The following PCDHGB5 variants were observed in gnomAD, a reference collection of about 807,000 sequenced individuals.
The protein encoded by PCDHGB5 is protocadherin gamma subfamily B, 5.
In PCDHGB5, 48 loss-of-function variants were observed where a neutral mutation model predicts 62.9. The observed-to-expected ratio is 0.76, with a 90% CI of 0.61 to 0.97. The LOEUF is 0.97. PCDHGB5 is among the 50% of genes least tolerant of loss of function. The pLI is 0.00. For missense variants in PCDHGB5, 1,118 were observed against 1,198.6 expected, an observed-to-expected ratio of 0.93 and a Z score of 0.99; for synonymous variants, 474 against 511.2, an observed-to-expected ratio of 0.93 and a Z score of 0.98.
In PCDHGB5 at chr5:141,433,401, A is replaced by ATCTC. The variant is rs1554126038; in HGVS notation, c.2397+32880_2397+32881insCTCT. On this transcript the variant is annotated intron_variant, in intron 1 of 3. Transcript: ENST00000617380. ...TATCTATCTATCTATCTATCTATCT[A>ATCTC]TCTATTACTTTCTTGTACAGACAGG... Among the ~76,000 whole-genome samples, 677 of 150,598 alleles carry ATCTC rather than the reference A, an allele frequency of 4.5e-3. 6 individuals are homozygous for ATCTC. Among genetic ancestry groups the ATCTC allele is most frequent in the African/African-American group, 0.015 (630 of 40,958 alleles).
At chr5:141,409,867 C>T (rs376725837) in intron 1 of PCDHGB5, 35 of 1,612,662 alleles carry the variant, frequency 2.2e-5, no homozygotes, top group African/African-American at 2.1e-4. Flanking sequence ...TGGGAGACCG[C>T]AATGACAACG....
intron 2 of PCDHGB5, among the ~76,000 whole-genome samples, chr5:141,497,706 A>G (rs2099778850): frequency 6.6e-6 from 1 of 151,956 alleles, no homozygotes; most frequent in Middle Eastern, 3.2e-3. Flanking sequence ...CACCCAGCTC[A>G]TTTTTGTATT....
At chr5:141,443,113 T>C (rs2098364390) in intron 1 of PCDHGB5, among the ~76,000 whole-genome samples, 1 of 152,040 alleles carries the variant, frequency 6.6e-6, no homozygotes, top group African/African-American at 2.4e-5. Flanking sequence ...ACCTTGCTTT[T>C]CAAACCAGAT....
intron 1 of PCDHGB5, chr5:141,408,159 C>T (rs1408291996): frequency 3.9e-5 from 59 of 1,516,228 alleles, no homozygotes; most frequent in Non-Finnish European, 5.2e-5. Context: ...AGTGCACTTT[C>T]TCCAACTGGA....
In PCDHGB5 at chr5:141,476,599, TC is replaced by T; in HGVS notation, c.2398-18205del. The T allele has an allele frequency of 6.2e-7, 1 of 1,614,210 alleles. No individual in the cohort carries two copies. ...GCTTTCCGCTCGAGAGCGCGCACGA[TC>T]CCGATGTGGGAAGCAACTCTTTACA... is the stretch of plus-strand genomic sequence containing the variant. On this transcript the variant is annotated intron_variant, in intron 1 of 3. Transcript: ENST00000617380. This position sits in a 1 kb window ranked among gnomAD's most constrained non-coding sequence, Gnocchi z 7.6.
intron 1 of PCDHGB5, chr5:141,422,819 T>C (rs369004166): frequency 2.5e-6 from 4 of 1,614,068 alleles, no homozygotes; most frequent in Non-Finnish European, 2.5e-6. Flanking sequence ...GACTTAGAAC[T>C]GAGAGTGATA....
At chr5:141,483,988 G>A (rs78891657) in intron 1 of PCDHGB5, among the ~76,000 whole-genome samples, 1,520 of 149,036 alleles carry the variant, frequency 0.01, 30 homozygotes, top group African/African-American at 0.037. Flanking sequence ...TAGCTAGGTT[G>A]CTGGGAGGTC....
chr5:141,428,110 C>G (rs917739943), intron 1 of PCDHGB5: 11 of 1,607,538 alleles, frequency 6.8e-6, no homozygotes, highest in Middle Eastern at 3.4e-4. Context: ...GTGCTGCAGG[C>G]CATCGAGCCC....
At position 141,487,148 on chromosome 5, in the gene PCDHGB5, G is replaced by A; in HGVS notation, c.2398-7659G>A. ...TGGTAGTCCACCACTCTCTACCTCT[G>A]TTACTCTCTTAGTGTCCTTAGAGGA... On this transcript the variant is annotated intron_variant, in intron 1 of 3. Transcript: ENST00000617380. This position sits in a 1 kb window ranked among gnomAD's most constrained non-coding sequence, Gnocchi z 5.0. The A allele has an allele frequency of 6.2e-7, 1 of 1,614,042 alleles. No homozygotes were observed. The highest frequency in any genetic ancestry group is 8.5e-7 in the Non-Finnish European group (1 of 1,179,922).
chr5:141,489,794 T>TA lies in PCDHGB5; in HGVS notation c.2398-5009dup. The TA allele has an allele frequency of 1.2e-6, 2 of 1,614,120 alleles. No homozygotes were observed. The highest frequency in any genetic ancestry group is 2.2e-5 in the South Asian group (2 of 91,076). The stretch of plus-strand genomic sequence containing the variant: ...CACTTCTCTCTGAATGTGAAGACCC[T>TA]AAAAGATGGGAAGCCATTCCCAGAG... On this transcript the variant is annotated intron_variant, in intron 1 of 3. Transcript: ENST00000617380. This position sits in a 1 kb window ranked among gnomAD's most constrained non-coding sequence, Gnocchi z 4.5.
Position 141,486,429 on chromosome 5 carries a change from C to G in PCDHGB5, c.2398-8378C>G, listed in dbSNP as rs2099629385. On this transcript the variant is annotated intron_variant, in intron 1 of 3. Transcript: ENST00000617380. The surrounding 1 kb of genome is among the most constrained non-coding windows in gnomAD (Gnocchi z 5.0). ...GGACCCTTGGATCGAGAGGCCAAAT[C>G]TAGCTATGACATCATGGTCACTGCT... 1.1e-5 allele frequency: 17 copies of G among 1,614,192 alleles called. No homozygotes were observed. Among genetic ancestry groups the G allele is most frequent in the Non-Finnish European group, 1.4e-5 (17 of 1,180,008 alleles).
rs1391017504 is a variant in PCDHGB5 at position 141,490,732 on chromosome 5, G to GTTCAGGGAGCCCCAGCCTCCTCCT, written c.2398-4072_2398-4049dup. 6.2e-7 allele frequency: 1 copy of GTTCAGGGAGCCCCAGCCTCCTCCT among 1,614,070 alleles called. No individual in the cohort carries two copies. Among genetic ancestry groups the GTTCAGGGAGCCCCAGCCTCCTCCT allele is most frequent in the Non-Finnish European group, 8.5e-7 (1 of 1,180,050 alleles). On this transcript the variant is annotated intron_variant, in intron 1 of 3. Coordinates refer to ENST00000617380, the MANE Select transcript of PCDHGB5 (RefSeq NM_018925.3). This position sits in a 1 kb window ranked among gnomAD's most constrained non-coding sequence, Gnocchi z 5.4. ...CACCTACTCCATTGTAGGAAATCAG[G>GTTCAGGGAGCCCCAGCCTCCTCCT]TTCAGGGAGCCCCAGCCTCCTCCTT...
At chr5:141,410,665 G>C (rs372651223) in intron 1 of PCDHGB5, 9 of 1,569,394 alleles carry the variant, frequency 5.7e-6, no homozygotes, top group Non-Finnish European at 7.7e-6. Flanking sequence ...TAGTCTACTA[G>C]TTTCTCATAT....
intron 1 of PCDHGB5, among the ~76,000 whole-genome samples, chr5:141,472,611 G>T (rs1055885253): frequency 1.3e-5 from 2 of 151,938 alleles, no homozygotes; most frequent in South Asian, 4.1e-4. Context: ...ATAAAACAAA[G>T]AAGAAAAAAG....
chr5:141,398,563 G>A lies in PCDHGB5; in HGVS notation c.436G>A (p.Ala146Thr), dbSNP rs375890903. The A allele has an allele frequency of 2.4e-5, 39 of 1,613,842 alleles. No individual in the cohort carries two copies. The African/African-American group carries it at 3.2e-4, about 13-fold the overall frequency. The change falls in exon 1 of 4, where the codon GCA (alanine) becomes ACA (threonine). Residue 146 changes from alanine (A) to threonine (T), a missense_variant. Ala to Thr is a moderately conservative substitution (Grantham distance 58, BLOSUM62 0). Coordinates refer to ENST00000617380, the MANE Select transcript of PCDHGB5 (RefSeq NM_018925.3). Reference protein sequence around the residue: ...NSFELQISESAQPGTRFILEV... With the variant: ...NSFELQISESTQPGTRFILEV... Reference sequence around the variant, plus strand: ...CTTTGAGCTGCAAATAAGTGAGTCTGCACAGCCTGGCACAAGATTTATACT... The same window carrying A: ...CTTTGAGCTGCAAATAAGTGAGTCTACACAGCCTGGCACAAGATTTATACT...
chr5:141,404,984 C>A (rs779919758), intron 1 of PCDHGB5: 1 of 1,614,034 alleles, frequency 6.2e-7, no homozygotes, highest in Middle Eastern at 1.6e-4. Flanking sequence ...CCTGGGCAGT[C>A]TTCAGATCCC....
intron 1 of PCDHGB5, chr5:141,428,173 CGGA>C (rs770477048): frequency 1.3e-6 from 2 of 1,514,730 alleles, no homozygotes. Context: ...CTGTGCGTGA[CGGA>C]GGACAGCCGC....
intron 1 of PCDHGB5, among the ~76,000 whole-genome samples, chr5:141,435,951 G>C (rs371199258): frequency 3.9e-5 from 6 of 152,100 alleles, no homozygotes; most frequent in African/African-American, 1.4e-4. Flanking sequence ...ACCAAAAAAG[G>C]GGGCAAAATA....
In PCDHGB5 at chr5:141,491,607, T is replaced by G; in HGVS notation, c.2398-3200T>G. On this transcript the variant is annotated intron_variant, in intron 1 of 3. Coordinates refer to ENST00000617380, the MANE Select transcript of PCDHGB5 (RefSeq NM_018925.3). The surrounding 1 kb of genome is among the most constrained non-coding windows in gnomAD (Gnocchi z 6.9). ...CCTCGGACGGCAGTGACTTCACTTT[T>G]CTAAGACCCCTCAGCGTTCAGCAGC... 6.2e-7 allele frequency: 1 copy of G among 1,613,932 alleles called. No homozygotes were observed. The highest frequency in any genetic ancestry group is 1.1e-5 in the South Asian group (1 of 91,084).
Sources: allele counts gnomAD v4.1 joint callset (sites outside exome capture counted in the v4.1 genomes callset), GRCh38; gene constraint gnomAD v4.1.1; non-coding constraint Gnocchi (gnomAD v3.1); transcripts MANE v1.5; gene names NCBI Gene and HGNC (gene_info 2026-07-23, HGNC 2026-07-21).